The following RPL9 variants were observed in gnomAD, a reference collection of about 807,000 sequenced individuals.
RPL9 encodes ribosomal protein L9.
For missense variants in RPL9, 149 were observed against 236.7 expected (o/e 0.63, Z 2.43); for synonymous variants, 82 against 77.1 (o/e 1.06, Z -0.33).
intron 1 of RPL9, 191 bp downstream of exon 1, chr4:39,458,700 G>A: frequency 1.6e-6 from 1 of 629,794 alleles, no homozygotes. Context: ...ATCCCGGCAA[G>A]ACTGAGGGGC....
chr4:39,455,262 C>T (rs1290013508), intron 5 of RPL9: 2 of 208,826 alleles, frequency 9.6e-6, no homozygotes, highest in East Asian at 2.5e-4. Context: ...GCAGGAGAAT[C>T]GCTTGAAGCC....
chr4:39,455,554 G>C (rs1744053981), intron 5 of RPL9, among the ~76,000 whole-genome samples: 1 of 151,944 alleles, frequency 6.6e-6, no homozygotes, highest in East Asian at 1.9e-4. Context: ...GCTGGGGCCA[G>C]GCACCATAGC....
chr4:39,456,531 C>T lies in RPL9; in HGVS notation c.266G>A (p.Arg89His), dbSNP rs774859693. ...AGCATACACAGACCTCATCTTGTAA[C>T]GGAAGCCCTATGTTAAATAAATAAG... ...NMIKGVTLGF[R>H]YKMRSVYAHF... Residue 89 changes from arginine (R) to histidine (H), a missense_variant, in exon 5 of 8, where the codon CGT (arginine) becomes CAT (histidine). Physicochemically the swap from Arg to His is conservative, Grantham distance 29. Transcript: ENST00000295955. 4.3e-6 allele frequency: 7 copies of T among 1,613,566 alleles called. No individual in the cohort carries two copies. The highest frequency in any genetic ancestry group is 1.3e-5 in the African/African-American group (1 of 74,890).
At chr4:39,458,815 G>C (rs1744250298) in intron 1 of RPL9, 76 bp downstream of exon 1, 4 of 688,666 alleles carry the variant, frequency 5.8e-6, no homozygotes, top group South Asian at 4.5e-5. Flanking sequence ...CCGAGAGTGG[G>C]AGCCGCGCCG....
intron 4 of RPL9, 197 bp from the exon 5 acceptor site, chr4:39,456,735 T>C (rs931064584): frequency 1.7e-6 from 1 of 589,878 alleles, no homozygotes; most frequent in Non-Finnish European, 3.0e-6. Context: ...GCGGAGGCTT[T>C]ATTTCACTAG....
At chr4:39,457,045 C>T (rs1159863742) in intron 4 of RPL9, 2 of 159,250 alleles carry the variant, frequency 1.3e-5, no homozygotes, top group African/African-American at 2.4e-5. Flanking sequence ...AGGGGAGAGA[C>T]GGTGGGTTGG....
chr4:39,454,801 G>C, intron 6 of RPL9, 63 bp downstream of exon 6: 1 of 1,546,848 alleles, frequency 6.5e-7, no homozygotes, highest in East Asian at 2.3e-5. Context: ...GCAAAATACT[G>C]TATTTTAAAC....
At chr4:39,458,629 C>T in intron 1 of RPL9, 189 bp from the exon 2 acceptor site, 1 of 637,074 alleles carries the variant, frequency 1.6e-6, no homozygotes, top group Non-Finnish European at 2.7e-6. Flanking sequence ...GCGAGAATTA[C>T]GAGGCCCAGC....
chr4:39,458,469 G>A (rs1744222498), intron 1 of RPL9, 29 bp from the exon 2 acceptor site: 4 of 1,612,062 alleles, frequency 2.5e-6, no homozygotes, highest in South Asian at 1.1e-5. Flanking sequence ...GGGTGAGGCC[G>A]ACGCAAGGCC....
At chr4:39,458,788 A>C in intron 1 of RPL9, 103 bp downstream of exon 1, 1 of 682,496 alleles carries the variant, frequency 1.5e-6, no homozygotes, top group Non-Finnish European at 2.7e-6. Flanking sequence ...GAGCTGGGGG[A>C]CAAACAGGAC....
chr4:39,456,952 T>C, intron 4 of RPL9: 1 of 181,464 alleles, frequency 5.5e-6, no homozygotes, highest in Admixed American at 5.4e-5. Flanking sequence ...AGATTTATAA[T>C]AGATGTACAG....
rs1283779850 is a variant in RPL9, at chr4:39,456,577, G to A, written c.259-39C>T. On this transcript the variant is annotated intron_variant, in intron 4 of 7. Coordinates refer to ENST00000295955, the MANE Select transcript of RPL9 (RefSeq NM_000661.5). Reference sequence around the variant, plus strand: ...ATAAGCAAGCTATTAGCAATGCTGAGGAATATTTTTAATAGTTTTAAAATT... The same window carrying A: ...ATAAGCAAGCTATTAGCAATGCTGAAGAATATTTTTAATAGTTTTAAAATT... The A allele has an allele frequency of 3.1e-6, 5 of 1,597,010 alleles. No homozygotes were observed. In the East Asian group the frequency reaches 6.7e-5, roughly 21 times the overall value.
intron 1 of RPL9, 141 bp from the exon 2 acceptor site, chr4:39,458,581 G>A: frequency 4.8e-6 from 4 of 838,236 alleles, no homozygotes; most frequent in Non-Finnish European, 5.7e-6. Flanking sequence ...CCGACAGCGG[G>A]CCCCAGTGTG....
intron 1 of RPL9, 34 bp downstream of exon 1, chr4:39,458,857 C>T (rs1215938869): frequency 1.4e-6 from 1 of 696,778 alleles, no homozygotes. Context: ...GTTTCAGATT[C>T]CCAGTACCCC....
At chr4:39,456,640 C>T in intron 4 of RPL9, 102 bp from the exon 5 acceptor site, 2 of 1,268,552 alleles carry the variant, frequency 1.6e-6, no homozygotes, top group South Asian at 3.0e-5. Flanking sequence ...ACGTAACACT[C>T]ACTGCCAAGA....
intron 1 of RPL9, 181 bp from the exon 2 acceptor site, chr4:39,458,621 G>A: frequency 3.1e-6 from 2 of 643,366 alleles, no homozygotes; most frequent in Non-Finnish European, 5.4e-6. Context: ...GCCCCAAAGC[G>A]AGAATTACGA....
rs750230219 is a variant in RPL9 at position 39,457,701 on chromosome 4, G to C, written c.163-20C>G. On this transcript the variant is annotated intron_variant, in intron 3 of 7. Coordinates refer to ENST00000295955, the MANE Select transcript of RPL9 (RefSeq NM_000661.5). Reference sequence around the variant, plus strand: ...CCGGAGCTGTAACAGAACAAAAAATGTATTCTTTCCAGAAATATGCAGGCT... The same window carrying C: ...CCGGAGCTGTAACAGAACAAAAAATCTATTCTTTCCAGAAATATGCAGGCT... 28 of 1,595,354 alleles carry C rather than the reference G, an allele frequency of 1.8e-5. No individual in the cohort carries two copies. Among genetic ancestry groups the C allele is most frequent in the Non-Finnish European group, 2.3e-5 (27 of 1,163,026 alleles).
chr4:39,457,347 C>G, intron 4 of RPL9: 1 of 325,394 alleles, frequency 3.1e-6, no homozygotes, highest in South Asian at 3.7e-5. Context: ...AGACCCCAGC[C>G]TTGATTAAAA....
chr4:39,456,293 C>A, intron 5 of RPL9, 113 bp downstream of exon 5: 2 of 1,198,714 alleles, frequency 1.7e-6, no homozygotes, highest in Non-Finnish European at 2.5e-6. Context: ...TCTGGTTTTA[C>A]TCAGCACAAA....
Sources: allele counts gnomAD v4.1 joint callset (sites outside exome capture counted in the v4.1 genomes callset), GRCh38; gene constraint gnomAD v4.1.1; transcripts MANE v1.5; gene names NCBI Gene and HGNC (gene_info 2026-07-23, HGNC 2026-07-21).